Variants in ANKS1B observed in about 807,000 individuals in gnomAD.
The protein encoded by ANKS1B is ankyrin repeat and sterile alpha motif domain-containing protein 1B.
In ANKS1B, 36 loss-of-function variants were observed where a neutral mutation model predicts 148.3. The observed-to-expected ratio is 0.24, with a 90% confidence interval of 0.19 to 0.32. The LOEUF (loss-of-function observed/expected upper bound fraction) is 0.32. ANKS1B is among the 10% of genes least tolerant of loss of function. The pLI is 1.00. For missense variants in ANKS1B, 1,157 were observed against 1,542.6 expected (o/e 0.75, Z 4.19); for synonymous variants, 542 against 560.8 (o/e 0.97, Z 0.47).
intron 9 of ANKS1B, among the ~76,000 whole-genome samples, chr12:99,567,178 G>A (rs1341347134): frequency 1.3e-5 from 2 of 152,136 alleles, no homozygotes; most frequent in African/African-American, 2.4e-5. Context: ...CCTTGCAGCT[G>A]TAGGACTCAG....
intron 8 of ANKS1B, among the ~76,000 whole-genome samples, chr12:99,705,122 C>T (rs1412314189): frequency 6.6e-6 from 1 of 151,952 alleles, no homozygotes; most frequent in African/African-American, 2.4e-5. Flanking sequence ...AATAAAAAGG[C>T]AAAAATAGCA....
intron 1 of ANKS1B, among the ~76,000 whole-genome samples, chr12:99,849,022 T>C (rs1358507260): frequency 6.6e-6 from 1 of 152,048 alleles, no homozygotes; most frequent in Non-Finnish European, 1.5e-5. Flanking sequence ...ATGGGAATAA[T>C]AGATACTGGG....
At chr12:99,497,810 A>G (rs570687828) in intron 10 of ANKS1B, among the ~76,000 whole-genome samples, 3 of 151,556 alleles carry the variant, frequency 2.0e-5, no homozygotes, top group East Asian at 3.9e-4. Context: ...TTAAGACTTG[A>G]TCACCCCTCA....
chr12:99,930,220 T>C (rs1361272937), intron 1 of ANKS1B, among the ~76,000 whole-genome samples: 1 of 151,852 alleles, frequency 6.6e-6, no homozygotes, highest in African/African-American at 2.4e-5. Context: ...TCACATCCCT[T>C]GTAAGTTGGA....
At chr12:99,648,547 T>G (rs1236170999) in intron 9 of ANKS1B, 1 of 1,614,120 alleles carries the variant, frequency 6.2e-7, no homozygotes, top group South Asian at 1.1e-5. Flanking sequence ...TCCCTTGATG[T>G]TTGTGAAAAT....
intron 8 of ANKS1B, among the ~76,000 whole-genome samples, chr12:99,750,475 T>C (rs1344526039): frequency 6.6e-6 from 1 of 152,124 alleles, no homozygotes; most frequent in Non-Finnish European, 1.5e-5. Context: ...AACATGTATA[T>C]GGAGAAAAAT....
chr12:99,645,781 G>A (rs1232413977), intron 9 of ANKS1B, among the ~76,000 whole-genome samples: 1 of 152,082 alleles, frequency 6.6e-6, no homozygotes, highest in East Asian at 1.9e-4. Flanking sequence ...AGGAATTTCA[G>A]ACAAACCCCA....
chr12:99,463,014 T>C (rs1221272413), intron 10 of ANKS1B, among the ~76,000 whole-genome samples: 1 of 152,216 alleles, frequency 6.6e-6, no homozygotes, highest in Non-Finnish European at 1.5e-5. Context: ...ACAAACCTCC[T>C]TTCTTTATAA....
At chr12:98,833,583 A>T (rs201792458) in intron 17 of ANKS1B, among the ~76,000 whole-genome samples, 2 of 151,850 alleles carry the variant, frequency 1.3e-5, no homozygotes, top group Non-Finnish European at 2.9e-5. Flanking sequence ...GATACCTTGA[A>T]TTTTTTTTAA....
chr12:99,327,323 T>C (rs906528791), intron 12 of ANKS1B, among the ~76,000 whole-genome samples: 3 of 105,122 alleles, frequency 2.9e-5, no homozygotes, highest in African/African-American at 1.8e-4. Flanking sequence ...TATAATTACA[T>C]ATTATATATA....
chr12:99,308,175 G>T (rs1224945878), intron 12 of ANKS1B, among the ~76,000 whole-genome samples: 1 of 152,012 alleles, frequency 6.6e-6, no homozygotes, highest in African/African-American at 2.4e-5. Flanking sequence ...AAATTATAGA[G>T]AACAAGAATC....
At chr12:99,771,233 T>C (rs976894057) in intron 8 of ANKS1B, among the ~76,000 whole-genome samples, 9 of 152,120 alleles carry the variant, frequency 5.9e-5, no homozygotes, top group African/African-American at 2.2e-4. Flanking sequence ...TTTCTTTTGT[T>C]GTGTATGTCT....
intron 10 of ANKS1B, among the ~76,000 whole-genome samples, chr12:99,447,113 T>C (rs1050419305): frequency 6.6e-6 from 1 of 151,984 alleles, no homozygotes; most frequent in Non-Finnish European, 1.5e-5. Context: ...GATGCTGGCA[T>C]AGAAACAGAC....
chr12:99,158,539 C>T (rs1037136185), intron 14 of ANKS1B, among the ~76,000 whole-genome samples: 1 of 152,054 alleles, frequency 6.6e-6, no homozygotes, highest in Non-Finnish European at 1.5e-5. Flanking sequence ...CAGGTCCAAG[C>T]CCCAGTCAAA....
In ANKS1B at chr12:99,121,320, T is replaced by G. The variant is rs11109728; in HGVS notation, c.2526+32969A>C. On this transcript the variant is annotated intron_variant, in intron 15 of 26. Coordinates refer to ENST00000683438, the MANE Select transcript of ANKS1B (RefSeq NM_001352186.2). ...TGTTTTAACAGTGTGTGTATGTAGG[T>G]ATGTGTGTGTGTGTGTGTGTGTGTG... Among the ~76,000 whole-genome samples, 266 of 63,992 alleles carry G rather than the reference T, an allele frequency of 4.2e-3. 6 individuals are homozygous for G. Among genetic ancestry groups the G allele is most frequent in the East Asian group, 0.016 (8 of 488 alleles). The allele number at this position is 63,992 out of a possible 152,430, so 42.0% of individuals were successfully genotyped here.
intron 12 of ANKS1B, among the ~76,000 whole-genome samples, chr12:99,327,159 T>C (rs2086506330): frequency 8.3e-6 from 1 of 120,356 alleles, no homozygotes; most frequent in Non-Finnish European, 1.6e-5. Context: ...ATATAATATA[T>C]AATATATAAT....
intron 14 of ANKS1B, among the ~76,000 whole-genome samples, chr12:99,198,386 G>A (rs1232672029): frequency 6.6e-6 from 1 of 152,084 alleles, no homozygotes; most frequent in African/African-American, 2.4e-5. Flanking sequence ...GTTGAAAACT[G>A]AAAAAGGTCC....
chr12:99,629,212 C>T (rs1328266542), intron 9 of ANKS1B, among the ~76,000 whole-genome samples: 1 of 152,192 alleles, frequency 6.6e-6, no homozygotes, highest in East Asian at 1.9e-4. Flanking sequence ...TCCATTCACT[C>T]AGCAAGTATT....
At chr12:99,891,117 G>A (rs907054920) in intron 1 of ANKS1B, among the ~76,000 whole-genome samples, 2 of 152,144 alleles carry the variant, frequency 1.3e-5, no homozygotes, top group African/African-American at 4.8e-5. Context: ...TGCATCAATA[G>A]ATCACTCCTA....
Sources: gnomAD v4.1 joint callset for allele counts (sites outside exome capture counted in the v4.1 genomes callset) on GRCh38, gnomAD v4.1.1 for gene constraint, MANE v1.5 for transcripts, NCBI Gene and HGNC (gene_info 2026-07-23, HGNC 2026-07-21) for gene names.